The following YIPF2 variants were observed in gnomAD, a reference collection of about 807,000 sequenced individuals.
YIPF2 encodes the protein protein YIPF2.
In YIPF2, 30 loss-of-function variants were observed where a neutral mutation model predicts 38.8. The observed-to-expected ratio is 0.77, with a 90% CI of 0.58 to 1.05. YIPF2 has a LOEUF of 1.05. Among genes scored for constraint, YIPF2 ranks in the 50% least tolerant of loss-of-function variants. The pLI is 0.00. For missense variants in YIPF2, 401 were observed against 409.7 expected (o/e 0.98, Z 0.18); for synonymous variants, 194 against 183.8 (o/e 1.06, Z -0.45).
rs200515734 is a variant in YIPF2, at chr19:10,924,001, T to TGG, written c.485-4_485-3dup. 1.2e-6 allele frequency: 2 copies of TGG among 1,603,820 alleles called. No homozygotes were observed. The highest frequency in any genetic ancestry group is 8.5e-7 in the Non-Finnish European group (1 of 1,173,970). The stretch of plus-strand genomic sequence containing the variant: ...AGATGCTGATGCCTGCCACGGTCAC[T>TGG]GGGGGGGGCAAGGTGAGCAGTCACC... On this transcript the variant is annotated splice_polypyrimidine_tract_variant and splice_region_variant and intron_variant, in intron 6 of 9. Coordinates refer to ENST00000586748, the MANE Select transcript of YIPF2 (RefSeq NM_001321439.2).
At position 10,928,574 on chromosome 19, in the gene YIPF2, C is replaced by A. The variant is rs979006553; in HGVS notation, c.-94G>T. ...GTCCCGTCCCCACAGGTGCGCTCCG[C>A]CCCCCCTCACCTGAGGCCACCTGGG... On this transcript the variant is annotated 5_prime_UTR_variant, in exon 1 of 10. Transcript: ENST00000586748. The A allele has an allele frequency of 3.8e-6, 4 of 1,039,250 alleles. No homozygotes were observed. The highest frequency in any genetic ancestry group is 3.9e-6 in the Non-Finnish European group (3 of 766,246). The allele number at this position is 1,039,250 out of a possible 1,614,324, so 64.4% of individuals were successfully genotyped here.
chr19:10,928,081 G>A, intron 2 of YIPF2, 122 bp from the exon 3 acceptor site: 1 of 1,395,132 alleles, frequency 7.2e-7, no homozygotes, highest in Non-Finnish European at 9.7e-7. Context: ...TCTCCCCCAA[G>A]GTGGGGCCCA....
At chr19:10,926,358 C>T (rs1427661947) in intron 4 of YIPF2, among the ~76,000 whole-genome samples, 2 of 151,974 alleles carry the variant, frequency 1.3e-5, no homozygotes. Flanking sequence ...TCCCAAAGAG[C>T]AGGGACTACA....
rs775225909 is a variant in YIPF2, at chr19:10,927,921, C to G, written c.70G>C (p.Asp24His). Residue 24 changes from aspartate (D) to histidine (H), a missense_variant, in exon 3 of 10, where the codon GAT (aspartate) becomes CAT (histidine). Physicochemically the swap from Asp to His is moderately conservative, Grantham distance 81. Transcript: ENST00000586748. The part of the protein sequence containing the change: ...EATNLLADTP[D>H]AATTSRSDQL... ...TCGCTTCTGCTGGTGGTGGCTGCATCTGGGGTGTCAGCCAGAAGATTAGTG... is the reference window on the plus strand; with the variant it reads ...TCGCTTCTGCTGGTGGTGGCTGCATGTGGGGTGTCAGCCAGAAGATTAGTG... 3 of 1,610,808 alleles carry G rather than the reference C, an allele frequency of 1.9e-6. No individual in the cohort carries two copies. In the South Asian group the frequency reaches 3.3e-5, roughly 18 times the overall value.
At chr19:10,925,902 T>A in intron 4 of YIPF2, 129 bp from the exon 5 acceptor site, 45 of 560,182 alleles carry the variant, frequency 8.0e-5, no homozygotes, top group Non-Finnish European at 1.2e-4. Flanking sequence ...AGCCTTTCCC[T>A]CTCTTTTTTT....
chr19:10,923,361 G>A lies in YIPF2; in HGVS notation c.881C>T (p.Pro294Leu), dbSNP rs780437657. 3.7e-6 allele frequency: 6 copies of A among 1,613,510 alleles called. No homozygotes were observed. The highest frequency in any genetic ancestry group is 3.3e-4 in the Middle Eastern group (2 of 6,046). ...SLPPENVAPP[P>L]QITSLPSNIA... ...GTTTGAGGGCAGAGATGTGATTTGG[G>A]GTGGAGGAGCCACGTTCTCCGGAGG... Residue 294 changes from proline to leucine, a missense_variant, in exon 9 of 10, where the codon CCC becomes CTC. Transcript: ENST00000586748.
intron 4 of YIPF2, among the ~76,000 whole-genome samples, chr19:10,926,825 T>A (rs1346015246): frequency 6.6e-6 from 1 of 151,856 alleles, no homozygotes; most frequent in Non-Finnish European, 1.5e-5. Flanking sequence ...TGCACTTGGC[T>A]AATTTTTCTA....
chr19:10,923,376 T>C lies in YIPF2; in HGVS notation c.866A>G (p.Asn289Ser). Residue 289 changes from asparagine (N) to serine (S), a missense_variant, in exon 9 of 10, where the codon AAC becomes AGC. By Grantham distance (46) the Asn-to-Ser change is conservative. Coordinates refer to ENST00000586748, the MANE Select transcript of YIPF2 (RefSeq NM_001321439.2). ...LYFFQSLPPE[N>S]VAPPPQITSL... is the part of the protein sequence containing the mutation. ...TGTGATTTGGGGTGGAGGAGCCACG[T>C]TCTCCGGAGGCAGCGACTGGAAGAA... 1.2e-6 allele frequency: 2 copies of C among 1,613,558 alleles called. No individual in the cohort carries two copies. Among genetic ancestry groups the C allele is most frequent in the Non-Finnish European group, 1.7e-6 (2 of 1,179,756 alleles).
intron 4 of YIPF2, 80 bp from the exon 5 acceptor site, chr19:10,925,853 C>G: frequency 7.4e-7 from 1 of 1,351,852 alleles, no homozygotes; most frequent in Non-Finnish European, 1.0e-6. Flanking sequence ...CCCTGCTGAC[C>G]TCCACCCTTC....
chr19:10,927,887 G>A lies in YIPF2; in HGVS notation c.104C>T (p.Thr35Ile). The A allele has an allele frequency of 6.2e-7, 1 of 1,612,738 alleles. No homozygotes were observed. The highest frequency in any genetic ancestry group is 8.5e-7 in the Non-Finnish European group (1 of 1,179,042). The change falls in exon 3 of 10, where the codon ACC becomes ATC. Residue 35 changes from threonine (T) to isoleucine (I), a missense_variant. Coordinates refer to ENST00000586748, the MANE Select transcript of YIPF2 (RefSeq NM_001321439.2). ...GGCCACAGCCACGTGCCCTTGTGGG[G>A]TCAGCTGATCGCTTCTGCTGGTGGT... ...AATTSRSDQL[T>I]PQGHVAVAVG...
rs545892760 is a variant in YIPF2, at chr19:10,926,506, G to A, written c.280-733C>T. On this transcript the variant is annotated intron_variant, in intron 4 of 9. Coordinates refer to ENST00000586748, the MANE Select transcript of YIPF2 (RefSeq NM_001321439.2). ...CTCCCAAAGTGCTGGGATTACAGGC[G>A]TGAGCCACCGCACCCGGCCTCAGCA... Among the ~76,000 whole-genome samples, 333 of 151,960 alleles carry A rather than the reference G, an allele frequency of 2.2e-3. 7 individuals carry two copies. The highest frequency in any genetic ancestry group is 0.019 in the Admixed American group (290 of 15,240).
In YIPF2 at chr19:10,927,724, T is replaced by C; in HGVS notation, c.193-8A>G. 6.2e-7 allele frequency: 1 copy of C among 1,613,126 alleles called. No homozygotes were observed. Among genetic ancestry groups the C allele is most frequent in the Non-Finnish European group, 8.5e-7 (1 of 1,179,942 alleles). On this transcript the variant is annotated splice_region_variant and splice_polypyrimidine_tract_variant and intron_variant, in intron 3 of 9. Transcript: ENST00000586748. ...CTGCTGCTCCTGCAGGAGCTGCACA[T>C]TGCGGGCATTCAGTGCCTGCCCGGA...
In YIPF2 at chr19:10,927,907, G is replaced by C; in HGVS notation, c.84C>G (p.Thr28=). Residue 28 remains threonine, a synonymous_variant, in exon 3 of 10, where the codon ACC becomes ACG. Transcript: ENST00000586748. ...LLADTPDAAT[T]SRSDQLTPQG... ...GTGGGGTCAGCTGATCGCTTCTGCTGGTGGTGGCTGCATCTGGGGTGTCAG... is the reference window on the plus strand; with the variant it reads ...GTGGGGTCAGCTGATCGCTTCTGCTCGTGGTGGCTGCATCTGGGGTGTCAG... 6.2e-7 allele frequency: 1 copy of C among 1,612,146 alleles called. No individual in the cohort carries two copies. Among genetic ancestry groups the C allele is most frequent in the Non-Finnish European group, 8.5e-7 (1 of 1,178,570 alleles).
chr19:10,927,604 C>G, intron 4 of YIPF2, 26 bp downstream of exon 4: 4 of 1,611,614 alleles, frequency 2.5e-6, no homozygotes, highest in Non-Finnish European at 3.4e-6. Flanking sequence ...CTCTGAGCCC[C>G]ATCCCACCTG....
intron 4 of YIPF2, among the ~76,000 whole-genome samples, chr19:10,926,296 G>A (rs1030263209): frequency 1.3e-4 from 20 of 150,752 alleles, no homozygotes; most frequent in Admixed American, 8.6e-4. Context: ...GTGCCATCTC[G>A]GCTCACTGCA....
In YIPF2 at chr19:10,925,908, T is replaced by C. The variant is rs565268529; in HGVS notation, c.280-135A>G. Reference sequence around the variant, plus strand: ...AAAGAACTCAGCCTTTCCCTCTCTTTTTTTTTTTTTTTTTTTTTGAGACAG... The same window carrying C: ...AAAGAACTCAGCCTTTCCCTCTCTTCTTTTTTTTTTTTTTTTTTGAGACAG... On this transcript the variant is annotated intron_variant, in intron 4 of 9. Coordinates refer to ENST00000586748, the MANE Select transcript of YIPF2 (RefSeq NM_001321439.2). 1,338 of 431,014 alleles carry C rather than the reference T, an allele frequency of 3.1e-3. 5 individuals are homozygous for C. In the South Asian group the frequency reaches 0.059, roughly 19 times the overall value. 26.7% of individuals were successfully genotyped at this position (431,014 alleles called of 1,614,324 possible).
intron 4 of YIPF2, 133 bp from the exon 5 acceptor site, chr19:10,925,906 T>TA (rs1491320590): frequency 6.9e-6 from 1 of 144,518 alleles, no homozygotes; most frequent in Non-Finnish European, 1.4e-5. Flanking sequence ...TTTCCCTCTC[T>TA]TTTTTTTTTT....
intron 3 of YIPF2, 36 bp downstream of exon 3, chr19:10,927,763 C>T (rs2083449979): frequency 6.2e-7 from 1 of 1,610,126 alleles, no homozygotes; most frequent in Non-Finnish European, 8.5e-7. Context: ...CCTGGGTCAG[C>T]TGGGGGCTGC....
chr19:10,928,576 C>T lies in YIPF2; in HGVS notation c.-96G>A. The T allele has an allele frequency of 2.8e-6, 3 of 1,056,044 alleles. No homozygotes were observed. The highest frequency in any genetic ancestry group is 2.0e-5 in the South Asian group (1 of 50,916). The allele number at this position is 1,056,044 out of a possible 1,614,324, so 65.4% of individuals were successfully genotyped here. ...CCCGTCCCCACAGGTGCGCTCCGCC[C>T]CCCCTCACCTGAGGCCACCTGGGCC... On this transcript the variant is annotated 5_prime_UTR_variant, in exon 1 of 10. Transcript: ENST00000586748.
Sources: allele counts gnomAD v4.1 joint callset (sites outside exome capture counted in the v4.1 genomes callset), GRCh38; gene constraint gnomAD v4.1.1; transcripts MANE v1.5; gene names NCBI Gene and HGNC (gene_info 2026-07-23, HGNC 2026-07-21).